The following ASIC2 variants were observed in gnomAD, a reference collection of about 807,000 sequenced individuals.
ASIC2 encodes the protein acid sensing ion channel subunit 2.
In ASIC2, 25 loss-of-function variants were observed where a neutral mutation model predicts 57.3. The ratio of observed to expected loss-of-function variants is 0.44; its 90% CI spans 0.32 to 0.61. The LOEUF is 0.61. ASIC2 is among the 20% of genes least tolerant of loss of function. The probability of loss-of-function intolerance (pLI) is 0.06; values close to 1 mark genes in which losing one functional copy is unlikely to be tolerated. For missense variants in ASIC2, 641 were observed against 738.1 expected (o/e 0.87, Z 1.52); for synonymous variants, 319 against 307.5 (o/e 1.04, Z -0.39).
intron 2 of ASIC2, among the ~76,000 whole-genome samples, chr17:33,093,931 T>C (rs2092167509): frequency 6.6e-6 from 1 of 152,110 alleles, no homozygotes; most frequent in Non-Finnish European, 1.5e-5. Flanking sequence ...TACAAAGCAA[T>C]CTTGCTTTGG....
At chr17:33,297,633 G>A (rs547154704), upstream of ASIC2, among the ~76,000 whole-genome samples, 3 of 151,942 alleles carry the variant, frequency 2.0e-5, no homozygotes, top group South Asian at 6.2e-4. Flanking sequence ...GACCAGCCTG[G>A]GCAACATGGC....
chr17:33,432,126 C>T (rs1553494), intron 1 of ASIC2, among the ~76,000 whole-genome samples: 58,342 of 151,994 alleles, frequency 0.38, 11,636 homozygotes, highest in Non-Finnish European at 0.42. Context: ...TCCAGTAATA[C>T]GTAGATTTTC....
chr17:34,105,701 T>A (rs528587074), intron 1 of ASIC2, among the ~76,000 whole-genome samples: 1 of 152,178 alleles, frequency 6.6e-6, no homozygotes, highest in African/African-American at 2.4e-5. Context: ...ATATTCTTTG[T>A]ACAGATTCAC....
intron 1 of ASIC2, among the ~76,000 whole-genome samples, chr17:33,731,391 C>T (rs1225194238): frequency 2.6e-5 from 4 of 152,022 alleles, no homozygotes; most frequent in Non-Finnish European, 5.9e-5. Flanking sequence ...TGGAGGGAGA[C>T]GTGAGTAGCA....
chr17:33,347,448 A>G (rs1907991749), intron 1 of ASIC2, among the ~76,000 whole-genome samples: 1 of 152,212 alleles, frequency 6.6e-6, no homozygotes, highest in Non-Finnish European at 1.5e-5. Flanking sequence ...TAGGATTGCC[A>G]GGCAACACCA....
chr17:33,665,792 C>T (rs1056900446), intron 1 of ASIC2, among the ~76,000 whole-genome samples: 2 of 152,008 alleles, frequency 1.3e-5, no homozygotes, highest in African/African-American at 2.4e-5. Flanking sequence ...TCAGAGGTCT[C>T]GAGGGGAGGT....
At chr17:33,552,502 T>C (rs1159035716) in intron 1 of ASIC2, among the ~76,000 whole-genome samples, 1 of 152,224 alleles carries the variant, frequency 6.6e-6, no homozygotes, top group Non-Finnish European at 1.5e-5. Flanking sequence ...AACAGGGACT[T>C]GGTGTCCAGC....
intron 1 of ASIC2, among the ~76,000 whole-genome samples, chr17:33,486,142 G>A (rs888483709): frequency 6.6e-6 from 1 of 152,144 alleles, no homozygotes; most frequent in African/African-American, 2.4e-5. Context: ...CATCATCTTT[G>A]CCCCTCACCT....
At chr17:33,370,259 T>G (rs1204962582) in intron 1 of ASIC2, among the ~76,000 whole-genome samples, 1 of 152,140 alleles carries the variant, frequency 6.6e-6, no homozygotes, top group Admixed American at 6.5e-5. Flanking sequence ...TTTCAGCATG[T>G]TCTCCTCACA....
intron 1 of ASIC2, among the ~76,000 whole-genome samples, chr17:33,371,761 C>T (rs1240940793): frequency 1.3e-5 from 2 of 152,092 alleles, no homozygotes; most frequent in African/African-American, 4.8e-5. Context: ...GCAGTGTGTG[C>T]TTCCTCTTTG....
At chr17:34,085,306 T>C (rs1381225141) in intron 1 of ASIC2, among the ~76,000 whole-genome samples, 2 of 152,360 alleles carry the variant, frequency 1.3e-5, no homozygotes, top group East Asian at 3.9e-4. Flanking sequence ...CATGTGGTTT[T>C]TGTCTTTGGT....
At chr17:33,495,855 G>A (rs565171819) in intron 1 of ASIC2, among the ~76,000 whole-genome samples, 2 of 152,332 alleles carry the variant, frequency 1.3e-5, no homozygotes, top group South Asian at 4.1e-4. Context: ...TCCTGAGAAA[G>A]TGACATTGAG....
intron 1 of ASIC2, among the ~76,000 whole-genome samples, chr17:33,279,342 G>T (rs1904844508): frequency 6.6e-6 from 1 of 152,184 alleles, no homozygotes; most frequent in Admixed American, 6.5e-5. Context: ...GGCAGAGATG[G>T]TGAATCAGGG....
chr17:34,087,946 T>C (rs1386461458), intron 1 of ASIC2, among the ~76,000 whole-genome samples: 1 of 152,136 alleles, frequency 6.6e-6, no homozygotes. Context: ...TTCTTCTAAA[T>C]TTTTTTCAAA....
intron 1 of ASIC2, among the ~76,000 whole-genome samples, chr17:34,151,189 G>A (rs1461251405): frequency 6.6e-6 from 1 of 151,816 alleles, no homozygotes; most frequent in African/African-American, 2.4e-5. Context: ...GGAACAGCAA[G>A]TAACTATTCA....
intron 1 of ASIC2, among the ~76,000 whole-genome samples, chr17:33,187,013 C>T (rs1004242284): frequency 1.3e-5 from 2 of 152,148 alleles, no homozygotes; most frequent in African/African-American, 4.8e-5. Flanking sequence ...AGCTCCAAAG[C>T]ACTTCCCAAA....
chr17:33,892,822 C>T (rs1914998279), intron 1 of ASIC2, among the ~76,000 whole-genome samples: 3 of 152,148 alleles, frequency 2.0e-5, no homozygotes, highest in Admixed American at 2.0e-4. Context: ...ATTTGCAGAG[C>T]CCCGAGCTGC....
At chr17:33,995,569 A>C (rs1906131623) in intron 1 of ASIC2, among the ~76,000 whole-genome samples, 1 of 152,078 alleles carries the variant, frequency 6.6e-6, no homozygotes, top group South Asian at 2.1e-4. Flanking sequence ...AATTGTATAT[A>C]TTCCCGGCAT....
chr17:33,231,935 C>G lies in ASIC2; in HGVS notation c.708+59473G>C, dbSNP rs144693624. Among the ~76,000 whole-genome samples the G allele has an allele frequency of 4.3e-3, 657 of 152,286 alleles. 4 individuals are homozygous for G. The highest frequency in any genetic ancestry group is 0.017 in the Middle Eastern group (5 of 294). On this transcript the variant is annotated intron_variant, in intron 1 of 9. Transcript: ENST00000225823. ...ATTCATTACTTTTCTTTTTATCCAACAAATATTTATTGTCTGTGATATCTC... is the reference window on the plus strand; with the variant it reads ...ATTCATTACTTTTCTTTTTATCCAAGAAATATTTATTGTCTGTGATATCTC...
Sources: gnomAD v4.1 joint callset for allele counts (sites outside exome capture counted in the v4.1 genomes callset) on GRCh38, gnomAD v4.1.1 for gene constraint, MANE v1.5 for transcripts, NCBI Gene and HGNC (gene_info 2026-07-23, HGNC 2026-07-21) for gene names.